The following COL18A1 variants were observed in gnomAD, a reference collection of about 807,000 sequenced individuals.
The protein encoded by COL18A1 is collagen type XVIII alpha 1 chain.
COL18A1 carries 133 observed loss-of-function variants against 168.0 expected under a neutral mutation model. That is an observed-to-expected ratio of 0.79 (90% CI 0.69 to 0.91). COL18A1 has a LOEUF of 0.91. Among genes scored for constraint, COL18A1 ranks in the 40% least tolerant of loss-of-function variants. The pLI, the probability that COL18A1 is intolerant of heterozygous loss-of-function variation, is 0.00. For missense variants in COL18A1, 2,126 were observed against 1,925.4 expected (o/e 1.10, Z -1.95); for synonymous variants, 949 against 809.0 (o/e 1.17, Z -2.94).
chr21:45,434,558 A>G (rs1263841392), intron 2 of COL18A1, among the ~76,000 whole-genome samples: 1 of 152,192 alleles, frequency 6.6e-6, no homozygotes, highest in East Asian at 1.9e-4. Context: ...GAGGCTTGGC[A>G]TGTACAAGCA....
intron 2 of COL18A1, among the ~76,000 whole-genome samples, chr21:45,432,182 G>C (rs1366170255): frequency 3.3e-5 from 5 of 152,234 alleles, no homozygotes; most frequent in South Asian, 2.1e-4. Flanking sequence ...TGCCCCAGCA[G>C]GGCCTCCCTG....
At chr21:45,511,553 C>T (rs1446964156) in intron 41 of COL18A1, among the ~76,000 whole-genome samples, 1 of 152,124 alleles carries the variant, frequency 6.6e-6, no homozygotes, top group African/African-American at 2.4e-5. Context: ...GTTTATTCAC[C>T]GAGAATAAAC....
intron 32 of COL18A1, 181 bp downstream of exon 32, chr21:45,497,842 G>C: frequency 1.3e-6 from 1 of 787,030 alleles, no homozygotes; most frequent in South Asian, 1.7e-5. Flanking sequence ...ACCTGGATTT[G>C]GGGGCGAGGG....
Position 45,498,105 on chromosome 21 carries a change from C to A in COL18A1, c.2683+444C>A, listed in dbSNP as rs1286941534. On this transcript the variant is annotated intron_variant, in intron 32 of 41. Transcript: ENST00000651438. The surrounding 1 kb of genome is among the most constrained non-coding windows in gnomAD (Gnocchi z 4.5). ...GGAGGGTGAGCCCAGCACCCCTGCTCCCCCAAAGGACAAGAATTCCCCCCT... is the reference window on the plus strand; with the variant it reads ...GGAGGGTGAGCCCAGCACCCCTGCTACCCCAAAGGACAAGAATTCCCCCCT... 1 of 623,470 alleles carries A rather than the reference C, an allele frequency of 1.6e-6. No individual in the cohort carries two copies. The highest frequency in any genetic ancestry group is 1.8e-5 in the African/African-American group (1 of 54,386). The allele number at this position is 623,470 out of a possible 1,614,324, so 38.6% of individuals were successfully genotyped here. A position where few individuals can be genotyped will look rare whatever the true frequency, so the allele number is the denominator to read the frequency against.
intron 18 of COL18A1, among the ~76,000 whole-genome samples, chr21:45,488,957 T>C (rs1452002163): frequency 6.8e-6 from 1 of 146,984 alleles, no homozygotes; most frequent in East Asian, 2.1e-4. Flanking sequence ...GCAGGGAGCC[T>C]GGAGCCTCCT....
Position 45,481,748 on chromosome 21 carries a change from G to A in COL18A1, c.1612-215G>A, listed in dbSNP as rs114132145. ...AGCATCTTCCCGCCGTGGTGCTGTCGGCTCTGCCATCTCATCCTGCCAATG... is the reference window on the plus strand; with the variant it reads ...AGCATCTTCCCGCCGTGGTGCTGTCAGCTCTGCCATCTCATCCTGCCAATG... On this transcript the variant is annotated intron_variant, in intron 13 of 41. Coordinates refer to ENST00000651438, the MANE Select transcript of COL18A1 (RefSeq NM_001379500.1). Among the ~76,000 whole-genome samples, 554 of 152,326 alleles carry A rather than the reference G, an allele frequency of 3.6e-3. 2 individuals carry two copies. The highest frequency in any genetic ancestry group is 0.012 in the African/African-American group (510 of 41,576).
In COL18A1 at chr21:45,473,077, G is replaced by A. The variant is rs545037383; in HGVS notation, c.652-818G>A. Among the ~76,000 whole-genome samples the A allele has an allele frequency of 7.2e-5, 11 of 152,336 alleles. No homozygotes were observed. The highest frequency in any genetic ancestry group is 2.4e-4 in the African/African-American group (10 of 41,586). ...GCCAGTGGAGCCCCTGGTACTGTGC[G>A]CAGCCCCCACCTGGCAGCCCCTTTT... On this transcript the variant is annotated intron_variant, in intron 3 of 41. Transcript: ENST00000651438. This position sits in a 1 kb window ranked among gnomAD's most constrained non-coding sequence, Gnocchi z 4.0.
intron 17 of COL18A1, chr21:45,487,757 G>C: frequency 1.5e-6 from 1 of 648,660 alleles, no homozygotes; most frequent in Admixed American, 2.2e-5. Flanking sequence ...GAGTGGTCAA[G>C]ACAAAGGAAC....
At position 45,504,568 on chromosome 21, in the gene COL18A1, C is replaced by A. The variant is rs1043069230; in HGVS notation, c.2868+12C>A. On this transcript the variant is annotated intron_variant, in intron 34 of 41. Transcript: ENST00000651438. ...ACCCTGGGATTCCAGTAAGTCCCAG[C>A]CTGTGCAGGCAGAGCCCATGTCCCA... 2.6e-6 allele frequency: 4 copies of A among 1,565,320 alleles called. No individual in the cohort carries two copies. The highest frequency in any genetic ancestry group is 1.2e-5 in the South Asian group (1 of 86,090).
At chr21:45,492,944 C>T (rs2036404526) in intron 24 of COL18A1, among the ~76,000 whole-genome samples, 1 of 152,054 alleles carries the variant, frequency 6.6e-6, no homozygotes, top group South Asian at 2.1e-4. Flanking sequence ...CTGCAGAGGC[C>T]TGCAGTGTCC....
In COL18A1 at chr21:45,463,832, G is replaced by A. The variant is rs993893420; in HGVS notation, c.107-4410G>A. ...GAACTGCTTGAACCTGGGAGGTGGAGGTTGTGGTGAGCTGAGATTGCACCA... is the reference window on the plus strand; with the variant it reads ...GAACTGCTTGAACCTGGGAGGTGGAAGTTGTGGTGAGCTGAGATTGCACCA... On this transcript the variant is annotated intron_variant, in intron 2 of 41. Transcript: ENST00000651438. The surrounding 1 kb of genome is among the most constrained non-coding windows in gnomAD (Gnocchi z 4.0). Among the ~76,000 whole-genome samples, 3 of 152,094 alleles carry A rather than the reference G, an allele frequency of 2.0e-5. No homozygotes were observed. The highest frequency in any genetic ancestry group is 4.4e-5 in the Non-Finnish European group (3 of 68,018).
rs1417921251 is a variant in COL18A1 at position 45,498,618 on chromosome 21, G to T, written c.2683+957G>T. The stretch of plus-strand genomic sequence containing the variant: ...GGCCGGGACATCCTTAAGGCCTGTG[G>T]AGGCAAAGGCAGGCAGAAAGCAAGC... On this transcript the variant is annotated intron_variant, in intron 32 of 41. Coordinates refer to ENST00000651438, the MANE Select transcript of COL18A1 (RefSeq NM_001379500.1). The surrounding 1 kb of genome is among the most constrained non-coding windows in gnomAD (Gnocchi z 4.5). The T allele has an allele frequency of 5.7e-6, 4 of 707,372 alleles. No homozygotes were observed. The highest frequency in any genetic ancestry group is 1.1e-5 in the Non-Finnish European group (4 of 377,792). 43.8% of individuals were successfully genotyped at this position (707,372 alleles called of 1,614,324 possible).
intron 2 of COL18A1, among the ~76,000 whole-genome samples, chr21:45,427,143 T>A (rs953193969): frequency 2.0e-5 from 3 of 152,050 alleles, no homozygotes; most frequent in Non-Finnish European, 4.4e-5. Flanking sequence ...CACTGGAATA[T>A]CTGGACTCAG....
chr21:45,510,287 C>T (rs771885473), intron 40 of COL18A1, 26 bp downstream of exon 40: 31 of 1,570,058 alleles, frequency 2.0e-5, no homozygotes, highest in Middle Eastern at 1.7e-4. Context: ...CCTGAGGGCG[C>T]GGGCTCCTCG....
At chr21:45,493,781 C>T (rs2036441471) in intron 26 of COL18A1, 2 of 590,110 alleles carry the variant, frequency 3.4e-6, no homozygotes, top group East Asian at 2.8e-5. Context: ...CTCCCTGCCC[C>T]TCGTCCTCTC....
rs375488894 is a variant in COL18A1 at position 45,512,334 on chromosome 21, C to T, written c.3956C>T (p.Ala1319Val). Reference protein sequence around the residue: ...LGGRLLGQSAASCHHAYIVLC... With the variant: ...LGGRLLGQSAVSCHHAYIVLC... ...GGCAGGCTCCTGGGGCAGAGTGCCG[C>T]GAGCTGCCATCACGCCTACATCGTG... Residue 1319 changes from alanine to valine, a missense_variant, in exon 42 of 42, where the codon GCG (alanine) becomes GTG (valine). Coordinates refer to ENST00000651438, the MANE Select transcript of COL18A1 (RefSeq NM_001379500.1). The T allele has an allele frequency of 2.3e-4, 368 of 1,612,538 alleles. No individual in the cohort carries two copies. The highest frequency in any genetic ancestry group is 2.9e-4 in the Non-Finnish European group (339 of 1,179,840).
At chr21:45,405,614 G>C (rs1400854215) in intron 2 of COL18A1, 141 bp downstream of exon 2, 10 of 406,240 alleles carry the variant, frequency 2.5e-5, no homozygotes, top group Admixed American at 1.5e-4. Flanking sequence ...CGCAGGAGGC[G>C]CCGGAGCCGG....
chr21:45,437,900 T>TCA (rs1391887516), intron 2 of COL18A1, among the ~76,000 whole-genome samples: 1 of 20,426 alleles, frequency 4.9e-5, no homozygotes, highest in African/African-American at 4.6e-4. Flanking sequence ...ACACACACAC[T>TCA]CACTCAGACA....
intron 7 of COL18A1, 60 bp from the exon 8 acceptor site, chr21:45,477,690 C>A: frequency 6.9e-7 from 1 of 1,442,480 alleles, no homozygotes; most frequent in Admixed American, 2.0e-5. Context: ...CAGCGGGACA[C>A]GTGGGCAGGG....
Sources: allele counts gnomAD v4.1 joint callset (sites outside exome capture counted in the v4.1 genomes callset), GRCh38; gene constraint gnomAD v4.1.1; non-coding constraint Gnocchi (gnomAD v3.1); transcripts MANE v1.5; gene names NCBI Gene and HGNC (gene_info 2026-07-23, HGNC 2026-07-21).